HMG20A: variants seen among roughly 807,000 people sequenced by gnomAD.
The protein encoded by HMG20A is high mobility group 20A, also known as high mobility group protein 20A.
Under a neutral mutation model 43.9 loss-of-function variants are expected in HMG20A, and 17 were observed. The observed-to-expected ratio is 0.39, with a 90% confidence interval of 0.27 to 0.58. The LOEUF (loss-of-function observed/expected upper bound fraction) is 0.58. HMG20A is among the 20% of genes least tolerant of loss of function. The probability of loss-of-function intolerance (pLI) is 0.59; values close to 1 mark genes in which losing one functional copy is unlikely to be tolerated. For missense variants in HMG20A, 341 were observed against 438.2 expected (o/e 0.78, Z 1.98); for synonymous variants, 132 against 147.5 (o/e 0.89, Z 0.76).
intron 1 of HMG20A, among the ~76,000 whole-genome samples, chr15:77,457,115 A>G (rs2072661613): frequency 6.6e-6 from 1 of 152,210 alleles, no homozygotes; most frequent in South Asian, 2.1e-4. Context: ...TAAATAATAA[A>G]CTTAGAAGTG....
the HMG20A span, among the ~76,000 whole-genome samples, chr15:77,505,156 A>C: frequency 6.6e-6 from 1 of 152,192 alleles, no homozygotes; most frequent in African/African-American, 2.4e-5. Flanking sequence ...GTGACTGCCC[A>C]CAAGTGCCCT....
chr15:77,442,270 A>G (rs553449907), intron 1 of HMG20A, among the ~76,000 whole-genome samples: 1 of 152,238 alleles, frequency 6.6e-6, no homozygotes, highest in Non-Finnish European at 1.5e-5. Flanking sequence ...TTAATAGGAC[A>G]TAAATTGAGT....
downstream of HMG20A, among the ~76,000 whole-genome samples, chr15:77,486,398 T>C (rs1352518204): frequency 6.6e-6 from 1 of 151,856 alleles, no homozygotes; most frequent in African/African-American, 2.4e-5. Flanking sequence ...GTAGCTGGGA[T>C]TACAGGTGCA....
intron 2 of HMG20A, among the ~76,000 whole-genome samples, chr15:77,460,994 AAAAG>A (rs1567401350): frequency 6.6e-6 from 1 of 152,196 alleles, no homozygotes; most frequent in Non-Finnish European, 1.5e-5. Flanking sequence ...CAAAAAAAGA[AAAAG>A]AAAAAAAAGT....
the HMG20A span, among the ~76,000 whole-genome samples, chr15:77,503,159 G>A: frequency 6.6e-6 from 1 of 152,266 alleles, no homozygotes; most frequent in South Asian, 2.1e-4. Context: ...AAGTGCTGAA[G>A]ACAAAGCATA....
chr15:77,458,256 GT>G, intron 1 of HMG20A, 147 bp from the exon 2 acceptor site: 1 of 564,292 alleles, frequency 1.8e-6, no homozygotes, highest in South Asian at 2.1e-5. Context: ...TTAAATTGAT[GT>G]GTCCAAGTCA....
chr15:77,491,887 G>T, the HMG20A span, among the ~76,000 whole-genome samples: 2 of 152,216 alleles, frequency 1.3e-5, no homozygotes, highest in Admixed American at 6.5e-5. Flanking sequence ...GAGGTGTTCT[G>T]AAAATGGATT....
At chr15:77,471,703 G>C (rs2072810404) in intron 5 of HMG20A, 80 bp from the exon 6 acceptor site, 4 of 857,358 alleles carry the variant, frequency 4.7e-6, no homozygotes, top group African/African-American at 1.7e-5. Context: ...AGGTTTTATA[G>C]TTTGGCAGAG....
chr15:77,437,095 TCA>T (rs1458797070), intron 1 of HMG20A, among the ~76,000 whole-genome samples: 11 of 152,352 alleles, frequency 7.2e-5, no homozygotes, highest in African/African-American at 2.6e-4. Context: ...CATTTAGCTC[TCA>T]GGTTATGTGT....
At chr15:77,486,148 G>A (rs1469331980), downstream of HMG20A, among the ~76,000 whole-genome samples, 1 of 151,968 alleles carries the variant, frequency 6.6e-6, no homozygotes, top group Non-Finnish European at 1.5e-5. Flanking sequence ...TTTTAATATA[G>A]CAGTAGTATT....
intron 1 of HMG20A, among the ~76,000 whole-genome samples, chr15:77,449,111 T>C (rs1195375748): frequency 2.0e-5 from 3 of 151,978 alleles, no homozygotes; most frequent in African/African-American, 7.3e-5. Flanking sequence ...GGACTATCAA[T>C]TTTAGGTCTA....
At chr15:77,427,093 T>C (rs530701757) in intron 1 of HMG20A, among the ~76,000 whole-genome samples, 4 of 152,234 alleles carry the variant, frequency 2.6e-5, no homozygotes, top group South Asian at 4.1e-4. Context: ...AGTGGGAGTA[T>C]TCTAAGGTAA....
the HMG20A span, among the ~76,000 whole-genome samples, chr15:77,491,164 G>A: frequency 2.7e-3 from 411 of 152,362 alleles, 1 homozygote; most frequent in Middle Eastern, 0.02. Context: ...AATGGAAAGC[G>A]TCTGCTTAAA....
the HMG20A span, among the ~76,000 whole-genome samples, chr15:77,513,979 C>T: frequency 2.6e-5 from 4 of 152,234 alleles, no homozygotes; most frequent in Non-Finnish European, 4.4e-5. Flanking sequence ...CCACCTCGGC[C>T]TCCCAAAGTG....
intron 6 of HMG20A, among the ~76,000 whole-genome samples, chr15:77,476,718 A>C (rs1341972592): frequency 6.6e-6 from 1 of 152,154 alleles, no homozygotes; most frequent in African/African-American, 2.4e-5. Flanking sequence ...ATGCCAACAC[A>C]CTTAAAATTA....
rs373517857 is a variant in HMG20A at position 77,476,905 on chromosome 15, A to G, written c.616-650A>G. Among the ~76,000 whole-genome samples, 6 of 152,008 alleles carry G rather than the reference A, an allele frequency of 3.9e-5. No homozygotes were observed. The East Asian group carries it at 1.2e-3, about 29-fold the overall frequency. Reference sequence around the variant, plus strand: ...ATTTTAGGCTTTGTTATTCTTTTGTATCTCACATAATCGTTTGCTTTCTAA... The same window carrying G: ...ATTTTAGGCTTTGTTATTCTTTTGTGTCTCACATAATCGTTTGCTTTCTAA... On this transcript the variant is annotated intron_variant, in intron 6 of 9. Coordinates refer to ENST00000336216, the MANE Select transcript of HMG20A (RefSeq NM_001304504.2).
intron 1 of HMG20A, among the ~76,000 whole-genome samples, chr15:77,445,509 T>C (rs1307689777): frequency 6.6e-6 from 1 of 152,230 alleles, no homozygotes; most frequent in Non-Finnish European, 1.5e-5. Flanking sequence ...CATGAATTTC[T>C]CCTTCTTCAC....
intron 6 of HMG20A, among the ~76,000 whole-genome samples, chr15:77,472,785 C>T (rs116335122): frequency 0.012 from 1,792 of 152,350 alleles, 49 homozygotes; most frequent in African/African-American, 0.041. Context: ...CTTTAACCCT[C>T]ATGGCTCTCT....
At chr15:77,451,703 T>C (rs1449377233) in intron 1 of HMG20A, among the ~76,000 whole-genome samples, 1 of 151,786 alleles carries the variant, frequency 6.6e-6, no homozygotes, top group Non-Finnish European at 1.5e-5. Context: ...ATAAAATAAG[T>C]AAAATGAAAA....
Sources: gnomAD v4.1 joint callset for allele counts (sites outside exome capture counted in the v4.1 genomes callset) on GRCh38, gnomAD v4.1.1 for gene constraint, MANE v1.5 for transcripts, NCBI Gene and HGNC (gene_info 2026-07-23, HGNC 2026-07-21) for gene names.